TGM6: variants seen among roughly 807,000 people sequenced by gnomAD.
TGM6 encodes transglutaminase 6.
Under a neutral mutation model 77.5 loss-of-function variants are expected in TGM6, and 74 were observed. That is an observed-to-expected ratio of 0.96 (90% CI 0.79 to 1.16). The LOEUF (loss-of-function observed/expected upper bound fraction) is 1.16. TGM6 is among the 50% of genes most tolerant of loss of function. TGM6 has a pLI of 0.00. For missense variants in TGM6, 968 were observed against 940.2 expected (o/e 1.03, Z -0.39); for synonymous variants, 383 against 378.9 (o/e 1.01, Z -0.12).
intron 6 of TGM6, 34 bp from the exon 7 acceptor site, chr20:2,400,272 G>A (rs762726731): frequency 1.2e-6 from 2 of 1,613,540 alleles, no homozygotes; most frequent in Admixed American, 1.7e-5. Context: ...CAGGGGCCAG[G>A]GTCCCGCCTG....
intron 1 of TGM6, 36 bp downstream of exon 1, chr20:2,381,011 G>A (rs2122314814): frequency 6.2e-7 from 1 of 1,606,732 alleles, no homozygotes. Flanking sequence ...GGGACACCAG[G>A]GCTCATGAGG....
chr20:2,394,428 T>C, intron 1 of TGM6, 24 bp from the exon 2 acceptor site: 1 of 1,610,722 alleles, frequency 6.2e-7, no homozygotes, highest in Non-Finnish European at 8.5e-7. Context: ...CGTGGCCTCA[T>C]CTCCCTGTCC....
intron 2 of TGM6, among the ~76,000 whole-genome samples, chr20:2,394,857 T>C (rs1358604306): frequency 6.6e-6 from 1 of 152,152 alleles, no homozygotes; most frequent in Non-Finnish European, 1.5e-5. Flanking sequence ...GAACCCTGTG[T>C]GTACCAGACA....
intron 1 of TGM6, among the ~76,000 whole-genome samples, chr20:2,389,866 G>A (rs551521544): frequency 5.3e-5 from 8 of 152,216 alleles, no homozygotes; most frequent in African/African-American, 1.9e-4. Flanking sequence ...TACTGGTCTC[G>A]ATCTACTGAC....
intron 9 of TGM6, among the ~76,000 whole-genome samples, chr20:2,414,808 C>T (rs138479159): frequency 9.9e-5 from 15 of 151,680 alleles, no homozygotes; most frequent in Non-Finnish European, 2.1e-4. Flanking sequence ...CAAAAGACCA[C>T]GTGTTGTATG....
intron 5 of TGM6, 66 bp downstream of exon 5, chr20:2,398,112 C>A: frequency 1.2e-6 from 2 of 1,613,016 alleles, no homozygotes; most frequent in Non-Finnish European, 1.7e-6. Flanking sequence ...CCCGGGGCCA[C>A]AACCTGTGAT....
At chr20:2,394,056 A>C (rs2084645407) in intron 1 of TGM6, among the ~76,000 whole-genome samples, 1 of 152,072 alleles carries the variant, frequency 6.6e-6, no homozygotes, top group Admixed American at 6.6e-5. Flanking sequence ...GTGGGAGGCC[A>C]AGGCAGGCAG....
intron 10 of TGM6, among the ~76,000 whole-genome samples, chr20:2,428,236 CAGTT>C (rs2084901818): frequency 6.6e-6 from 1 of 152,166 alleles, no homozygotes; most frequent in African/African-American, 2.4e-5. Context: ...CTGCAGATGT[CAGTT>C]AGCCCAGCTG....
chr20:2,382,033 G>C (rs1479724424), intron 1 of TGM6, among the ~76,000 whole-genome samples: 1 of 152,218 alleles, frequency 6.6e-6, no homozygotes, highest in Non-Finnish European at 1.5e-5. Context: ...CAAGTCAGCA[G>C]AACCAGGGGT....
At chr20:2,392,334 C>T (rs148635080) in intron 1 of TGM6, among the ~76,000 whole-genome samples, 9 of 152,200 alleles carry the variant, frequency 5.9e-5, no homozygotes, top group Non-Finnish European at 1.2e-4. Flanking sequence ...TAAGACTCAG[C>T]CTCAGTTCCG....
chr20:2,396,597 A>G lies in TGM6; in HGVS notation c.516A>G (p.Ile172Met), dbSNP rs779578465. ...TCTTCCGAGGCGTGGAGAAGCACAT[A>G]CGAGCCCAGGGCTGGAACTACGGGC... ...GIIFRGVEKH[I>M]RAQGWNYGQF... The change falls in exon 4 of 13, where the codon ATA (isoleucine) becomes ATG (methionine). Residue 172 changes from isoleucine to methionine, a missense_variant. Physicochemically the swap from Ile to Met is conservative, Grantham distance 10. Coordinates refer to ENST00000202625, the MANE Select transcript of TGM6 (RefSeq NM_198994.3). The G allele has an allele frequency of 1.7e-5, 28 of 1,614,064 alleles. No homozygotes were observed. The highest frequency in any genetic ancestry group is 2.2e-5 in the Non-Finnish European group (26 of 1,180,026).
intron 9 of TGM6, among the ~76,000 whole-genome samples, chr20:2,409,948 C>T (rs1322970333): frequency 1.3e-5 from 2 of 151,994 alleles, no homozygotes; most frequent in Non-Finnish European, 2.9e-5. Flanking sequence ...CACTACCAAC[C>T]CTACAAAAAT....
intron 10 of TGM6, among the ~76,000 whole-genome samples, chr20:2,421,193 G>C (rs1555801522): frequency 6.6e-6 from 1 of 152,142 alleles, no homozygotes. Flanking sequence ...CACCATGTTG[G>C]CCAGGATGGT....
intron 9 of TGM6, among the ~76,000 whole-genome samples, chr20:2,411,793 C>A: frequency 6.6e-6 from 1 of 152,000 alleles, no homozygotes; most frequent in East Asian, 1.9e-4. Flanking sequence ...AATGTGAGAG[C>A]TAAAATTATA....
intron 7 of TGM6, among the ~76,000 whole-genome samples, chr20:2,401,120 G>A (rs1318022841): frequency 4.6e-5 from 7 of 151,870 alleles, no homozygotes; most frequent in South Asian, 2.1e-4. Flanking sequence ...CAGGAGAATC[G>A]CTTGAACCTG....
chr20:2,418,904 A>G (rs79376596), intron 10 of TGM6, among the ~76,000 whole-genome samples: 3,476 of 152,116 alleles, frequency 0.023, 45 homozygotes, highest in Non-Finnish European at 0.034. Context: ...GTGAAACCCC[A>G]TCTCTACTAA....
intron 12 of TGM6, among the ~76,000 whole-genome samples, chr20:2,431,458 T>A (rs1339367798): frequency 6.6e-6 from 1 of 152,260 alleles, no homozygotes; most frequent in African/African-American, 2.4e-5. Context: ...TTTATTTACT[T>A]ATTCATTGTC....
chr20:2,388,442 C>T (rs1180006308), intron 1 of TGM6, among the ~76,000 whole-genome samples: 1 of 152,142 alleles, frequency 6.6e-6, no homozygotes, highest in Non-Finnish European at 1.5e-5. Flanking sequence ...GCCACCAACT[C>T]AGGAGGCAGA....
chr20:2,403,332 C>T (rs1474508152), intron 7 of TGM6, 65 bp from the exon 8 acceptor site: 21 of 1,567,866 alleles, frequency 1.3e-5, no homozygotes, highest in Non-Finnish European at 1.7e-5. Flanking sequence ...GCCTGCCTCT[C>T]AGTAGGATCT....
Sources: gnomAD v4.1 joint callset for allele counts (sites outside exome capture counted in the v4.1 genomes callset) on GRCh38, gnomAD v4.1.1 for gene constraint, MANE v1.5 for transcripts, NCBI Gene and HGNC (gene_info 2026-07-23, HGNC 2026-07-21) for gene names.